The following SCN11A variants were observed in gnomAD, a reference collection of about 807,000 sequenced individuals.
SCN11A encodes the protein sodium channel protein type 11 subunit alpha.
In SCN11A, 122 loss-of-function variants were observed where a neutral mutation model predicts 162.2. The observed-to-expected ratio is 0.75, with a 90% confidence interval of 0.65 to 0.87. The LOEUF is 0.87. Ranked by LOEUF, SCN11A falls within the 40% of genes least tolerant of loss-of-function variation. The probability of loss-of-function intolerance (pLI) is 0.00; values close to 1 mark genes in which losing one functional copy is unlikely to be tolerated. For synonymous variants in SCN11A, 758 were observed against 751.5 expected, an observed-to-expected ratio of 1.01 and a Z score of -0.14; for missense variants, 2,015 against 2,181.6, an observed-to-expected ratio of 0.92 and a Z score of 1.52.
chr3:38,984,699 C>T (rs955907168), intron 2 of SCN11A, among the ~76,000 whole-genome samples: 4 of 152,018 alleles, frequency 2.6e-5, no homozygotes, highest in African/African-American at 4.8e-5. Flanking sequence ...TTAGTAGAGA[C>T]GGGGTTTCAC....
chr3:39,026,140 A>C (rs1282328165), intron 2 of SCN11A: 1 of 146,782 alleles, frequency 6.8e-6, no homozygotes, highest in Non-Finnish European at 1.6e-5. Flanking sequence ...TTAAAAAAAC[A>C]TAGAAGAAAA....
At chr3:39,046,801 G>A (rs2125619276) in intron 1 of SCN11A, among the ~76,000 whole-genome samples, 1 of 152,210 alleles carries the variant, frequency 6.6e-6, no homozygotes, top group South Asian at 2.1e-4. Context: ...GCTCACTGCA[G>A]CCTCAACCTC....
intron 1 of SCN11A, among the ~76,000 whole-genome samples, chr3:39,045,112 C>T (rs1430813170): frequency 6.6e-6 from 1 of 152,100 alleles, no homozygotes; most frequent in Non-Finnish European, 1.5e-5. Context: ...AATAGAAAAC[C>T]TGAACAAATC....
At chr3:38,871,848 C>G (rs1191038036) in intron 24 of SCN11A, 140 bp from the exon 25 acceptor site, 2 of 713,616 alleles carry the variant, frequency 2.8e-6, no homozygotes, top group East Asian at 2.7e-5. Flanking sequence ...GTGCCCCATC[C>G]CCATGACAAG....
At chr3:39,003,750 T>G (rs990252234) in intron 2 of SCN11A, among the ~76,000 whole-genome samples, 2 of 152,250 alleles carry the variant, frequency 1.3e-5, no homozygotes, top group Non-Finnish European at 2.9e-5. Flanking sequence ...TATCTCATTG[T>G]GGTTTCTATT....
At chr3:39,049,574 G>C (rs994948913) in intron 1 of SCN11A, among the ~76,000 whole-genome samples, 6 of 152,212 alleles carry the variant, frequency 3.9e-5, no homozygotes, top group Non-Finnish European at 7.3e-5. Context: ...GACCCTCCCA[G>C]AGCATGGGGT....
At chr3:39,037,150 G>A (rs1559581952) in intron 1 of SCN11A, among the ~76,000 whole-genome samples, 1 of 152,158 alleles carries the variant, frequency 6.6e-6, no homozygotes, top group African/African-American at 2.4e-5. Flanking sequence ...GCTACAAAAA[G>A]GAATGAGATC....
intron 2 of SCN11A, among the ~76,000 whole-genome samples, chr3:38,975,628 G>A (rs1169852275): frequency 1.3e-5 from 2 of 152,134 alleles, no homozygotes; most frequent in African/African-American, 4.8e-5. Context: ...ACATAGAGTG[G>A]ATAACTTTTT....
chr3:38,977,478 G>A (rs1161899252), intron 2 of SCN11A, among the ~76,000 whole-genome samples: 3 of 152,174 alleles, frequency 2.0e-5, no homozygotes, highest in East Asian at 1.9e-4. Context: ...AGGTTGATAC[G>A]GGAATGAAGA....
chr3:39,013,952 T>C (rs1300475969), intron 2 of SCN11A, among the ~76,000 whole-genome samples: 1 of 152,242 alleles, frequency 6.6e-6, no homozygotes. Flanking sequence ...CACATAACAC[T>C]GCAGCCTCAG....
chr3:38,879,971 G>A lies in SCN11A; in HGVS notation c.3372C>T (p.Cys1124=). ...FGKYFTSAWC[C]LDFIIVIVSV... ...TTACAATCACAATGATGAAATCAAGGCAGCACCAGGCACTGGTGAAATACT... is the reference window on the plus strand; with the variant it reads ...TTACAATCACAATGATGAAATCAAGACAGCACCAGGCACTGGTGAAATACT... Residue 1124 remains cysteine, a synonymous_variant, in exon 23 of 30, where the codon TGC becomes TGT. Transcript: ENST00000302328. 3 of 1,612,700 alleles carry A rather than the reference G, an allele frequency of 1.9e-6. No homozygotes were observed. Among genetic ancestry groups the A allele is most frequent in the Non-Finnish European group, 2.5e-6 (3 of 1,179,222 alleles).
At chr3:38,929,172 C>CACACACACACACACAT (rs139558791) in intron 7 of SCN11A, among the ~76,000 whole-genome samples, 1,744 of 79,796 alleles carry the variant, frequency 0.022, 30 homozygotes, top group African/African-American at 0.036. Context: ...CACACACACA[C>CACACACACACACACAT]ATGTTTGGGA....
intron 2 of SCN11A, among the ~76,000 whole-genome samples, chr3:38,971,844 T>A (rs1369093083): frequency 6.6e-6 from 1 of 152,310 alleles, no homozygotes; most frequent in Admixed American, 6.5e-5. Context: ...TAAAGTAATA[T>A]TCAATTCCTT....
intron 23 of SCN11A, among the ~76,000 whole-genome samples, chr3:38,872,823 G>GA (rs1213516307): frequency 2.0e-5 from 3 of 151,918 alleles, no homozygotes; most frequent in Non-Finnish European, 4.4e-5. Flanking sequence ...AAAAAAGAGA[G>GA]AAAAAAATGA....
intron 9 of SCN11A, among the ~76,000 whole-genome samples, chr3:38,921,700 G>A (rs1177500664): frequency 6.6e-6 from 1 of 152,120 alleles, no homozygotes; most frequent in Non-Finnish European, 1.5e-5. Flanking sequence ...CTAAATTGTG[G>A]GGTATAGGGG....
intron 7 of SCN11A, among the ~76,000 whole-genome samples, chr3:38,929,608 A>G (rs1276181654): frequency 2.0e-5 from 3 of 152,146 alleles, no homozygotes; most frequent in African/African-American, 7.2e-5. Context: ...TCTTCCCTGA[A>G]TCTTCCATCA....
At chr3:39,048,020 T>C (rs1332122640) in intron 1 of SCN11A, among the ~76,000 whole-genome samples, 2 of 152,170 alleles carry the variant, frequency 1.3e-5, no homozygotes, top group Non-Finnish European at 2.9e-5. Context: ...ATCCCACTAC[T>C]ACCCAAAGAA....
chr3:38,847,964 G>A (rs2064703674), intron 29 of SCN11A, among the ~76,000 whole-genome samples: 1 of 152,164 alleles, frequency 6.6e-6, no homozygotes, highest in African/African-American at 2.4e-5. Context: ...CTACATTTGT[G>A]TGTAGAAGAA....
chr3:38,903,958 G>A lies in SCN11A; in HGVS notation c.1749C>T (p.Ile583=). 1 of 1,614,130 alleles carries A rather than the reference G, an allele frequency of 6.2e-7. No individual in the cohort carries two copies. Among genetic ancestry groups the A allele is most frequent in the Non-Finnish European group, 8.5e-7 (1 of 1,179,980 alleles). The change falls in exon 16 of 30, where the codon ATC becomes ATT. Residue 583 remains isoleucine, a synonymous_variant. Coordinates refer to ENST00000302328, the MANE Select transcript of SCN11A (RefSeq NM_001349253.2). ...VMTDPFTELA[I]TICIIINTVF... is the part of the protein sequence containing the mutation. ...CAGTGTTGATGATGATGCAGATGGT[G>A]ATGGCCAGCTCAGTAAACGGGTCAG... is the stretch of plus-strand genomic sequence containing the variant.
Sources: allele counts gnomAD v4.1 joint callset (sites outside exome capture counted in the v4.1 genomes callset), GRCh38; gene constraint gnomAD v4.1.1; transcripts MANE v1.5; gene names NCBI Gene and HGNC (gene_info 2026-07-23, HGNC 2026-07-21).